Variants in FER observed in about 807,000 individuals in gnomAD.
FER encodes the protein FER tyrosine kinase.
Under a neutral mutation model 111.0 loss-of-function variants are expected in FER, and 63 were observed. That is an observed-to-expected ratio of 0.57 (90% confidence interval 0.46 to 0.70). The LOEUF is 0.70. Among genes scored for constraint, FER ranks in the 30% least tolerant of loss-of-function variants. The pLI, the probability that FER is intolerant of heterozygous loss-of-function variation, is 0.00. For missense variants in FER, 914 were observed against 954.0 expected (o/e 0.96, Z 0.55); for synonymous variants, 327 against 313.9 (o/e 1.04, Z -0.44).
intron 10 of FER, among the ~76,000 whole-genome samples, chr5:108,927,250 C>CTTTTTTTTTTTTTTTTTTTTTT (rs773963733): frequency 2.1e-5 from 2 of 95,354 alleles, no homozygotes; most frequent in African/African-American, 7.4e-5. Context: ...TGAGAAGTGG[C>CTTTTTTTTTTTTTTTTTTTTTT]TCTTTTTTTT....
At chr5:108,848,413 T>C (rs543267887) in intron 5 of FER, among the ~76,000 whole-genome samples, 1 of 152,314 alleles carries the variant, frequency 6.6e-6, no homozygotes, top group South Asian at 2.1e-4. Flanking sequence ...GCCTTTATTC[T>C]ACCTTTCTCT....
At chr5:108,806,118 G>A (rs867335570) in intron 3 of FER, among the ~76,000 whole-genome samples, 42 of 152,164 alleles carry the variant, frequency 2.8e-4, no homozygotes, top group African/African-American at 8.7e-4. Flanking sequence ...CATCCTAGCC[G>A]CTCCAGCCGT....
intron 10 of FER, among the ~76,000 whole-genome samples, chr5:108,903,380 T>G (rs1330633349): frequency 6.6e-6 from 1 of 152,220 alleles, no homozygotes; most frequent in Non-Finnish European, 1.5e-5. Flanking sequence ...CTAAAAATTG[T>G]CAGGCCAGGC....
chr5:108,920,782 G>A (rs996107121), intron 10 of FER, among the ~76,000 whole-genome samples: 1 of 152,108 alleles, frequency 6.6e-6, no homozygotes, highest in Non-Finnish European at 1.5e-5. Flanking sequence ...TTATCGTAAT[G>A]TATAAATGAG....
intron 3 of FER, among the ~76,000 whole-genome samples, chr5:108,821,789 A>G (rs1335760614): frequency 6.6e-6 from 1 of 152,000 alleles, no homozygotes; most frequent in African/African-American, 2.4e-5. Context: ...ATGTTGTATA[A>G]TGATTACCAC....
chr5:108,946,086 G>A, intron 10 of FER, 44 bp from the exon 11 acceptor site: 1 of 1,329,376 alleles, frequency 7.5e-7, no homozygotes, highest in Non-Finnish European at 1.1e-6. Flanking sequence ...TATACATATT[G>A]GATAGTTTAC....
chr5:109,063,515 C>G (rs1283066643), intron 16 of FER, among the ~76,000 whole-genome samples: 2 of 152,216 alleles, frequency 1.3e-5, no homozygotes, highest in Admixed American at 1.3e-4. Context: ...CTCATACTCA[C>G]TAAAAGAGAA....
intron 3 of FER, among the ~76,000 whole-genome samples, chr5:108,825,743 A>C (rs904347294): frequency 3.0e-4 from 46 of 152,352 alleles, no homozygotes; most frequent in African/African-American, 1.1e-3. Context: ...AGACAGGCAT[A>C]AGAAATTACC....
At chr5:108,866,560 A>G (rs1306350892) in intron 5 of FER, among the ~76,000 whole-genome samples, 2 of 152,102 alleles carry the variant, frequency 1.3e-5, no homozygotes, top group Non-Finnish European at 2.9e-5. Context: ...TGTTGTGCAC[A>G]TGTACCCTAA....
intron 16 of FER, among the ~76,000 whole-genome samples, chr5:109,092,267 TAAA>T (rs1208379236): frequency 1.1e-5 from 1 of 90,572 alleles, no homozygotes; most frequent in Non-Finnish European, 2.2e-5. Context: ...ACATCAATCT[TAAA>T]AACCTTATGA....
chr5:108,796,578 AGCCATG>A (rs1561433359), intron 2 of FER, among the ~76,000 whole-genome samples: 10 of 152,100 alleles, frequency 6.6e-5, no homozygotes, highest in African/African-American at 2.4e-4. Flanking sequence ...CTGGCACTCA[AGCCATG>A]AGACAAAGTC....
chr5:109,034,782 A>G (rs1231916154), intron 13 of FER, among the ~76,000 whole-genome samples: 4 of 152,132 alleles, frequency 2.6e-5, no homozygotes, highest in East Asian at 3.9e-4. Context: ...AAAGTGGAAA[A>G]GCTGTCCAAG....
At chr5:109,088,947 A>G (rs1252941158) in intron 16 of FER, among the ~76,000 whole-genome samples, 1 of 152,210 alleles carries the variant, frequency 6.6e-6, no homozygotes, top group Admixed American at 6.5e-5. Context: ...AAAAGGTATT[A>G]AGGATAGTGA....
At chr5:109,078,340 T>C (rs925083990) in intron 16 of FER, among the ~76,000 whole-genome samples, 9 of 152,164 alleles carry the variant, frequency 5.9e-5, no homozygotes, top group Non-Finnish European at 1.3e-4. Context: ...CCAGAAATAT[T>C]TTTTATCCAC....
At chr5:109,147,052 A>G (rs1230712337) in intron 17 of FER, among the ~76,000 whole-genome samples, 1 of 152,094 alleles carries the variant, frequency 6.6e-6, no homozygotes, top group Non-Finnish European at 1.5e-5. Context: ...TAGAGATTAT[A>G]AATAAACAAC....
chr5:108,813,582 G>C (rs1040179589), intron 3 of FER, among the ~76,000 whole-genome samples: 1 of 151,924 alleles, frequency 6.6e-6, no homozygotes, highest in Non-Finnish European at 1.5e-5. Context: ...TCTTCTCTGT[G>C]TTTCATTGTG....
intron 5 of FER, among the ~76,000 whole-genome samples, chr5:108,855,944 ATTT>A: frequency 7.0e-6 from 1 of 143,648 alleles, no homozygotes; most frequent in East Asian, 2.0e-4. Context: ...TAAAGGGAGG[ATTT>A]TTTTTTTTTT....
chr5:108,898,659 CCT>C (rs920451672), intron 10 of FER, among the ~76,000 whole-genome samples: 6 of 144,598 alleles, frequency 4.1e-5, no homozygotes, highest in African/African-American at 1.5e-4. Context: ...TTTCTCTCTT[CCT>C]CTTTCTTTTC....
At chr5:109,078,962 C>T (rs1184444860) in intron 16 of FER, among the ~76,000 whole-genome samples, 1 of 152,114 alleles carries the variant, frequency 6.6e-6, no homozygotes, top group Non-Finnish European at 1.5e-5. Context: ...GAACGTATGA[C>T]ATTGCATTCA....
Sources: gnomAD v4.1 joint callset for allele counts (sites outside exome capture counted in the v4.1 genomes callset) on GRCh38, gnomAD v4.1.1 for gene constraint, MANE v1.5 for transcripts, NCBI Gene and HGNC (gene_info 2026-07-23, HGNC 2026-07-21) for gene names.